Variants in CD58 observed in about 807,000 individuals in gnomAD.
CD58 encodes lymphocyte function-associated antigen 3.
CD58 carries 14 observed loss-of-function variants against 27.6 expected under a neutral mutation model. The ratio of observed to expected loss-of-function variants is 0.51; its 90% confidence interval spans 0.34 to 0.79. The LOEUF is 0.79. CD58 is among the 30% of genes least tolerant of loss of function. The probability of loss-of-function intolerance (pLI) is 0.02; values close to 1 mark genes in which losing one functional copy is unlikely to be tolerated. For missense variants in CD58, 268 were observed against 301.7 expected (o/e 0.89, Z 0.83); for synonymous variants, 117 against 103.8 (o/e 1.13, Z -0.77).
chr1:116,564,398 C>A (rs1658864263), intron 1 of CD58, among the ~76,000 whole-genome samples: 1 of 152,242 alleles, frequency 6.6e-6, no homozygotes, highest in Non-Finnish European at 1.5e-5. Context: ...GTTGCTTCCA[C>A]ATTTTCAGGT....
rs559202861 is a variant in CD58, at chr1:116,528,769, T to C, written c.629-6786A>G. On this transcript the variant is annotated intron_variant, in intron 3 of 5. Transcript: ENST00000369489. This position sits in a 1 kb window ranked among gnomAD's most constrained non-coding sequence, Gnocchi z 4.4. Reference sequence around the variant, plus strand: ...CAAAGGTACTCAGATTTTATTTTCCTCTTTCACAGCCAAATATATAACTGG... The same window carrying C: ...CAAAGGTACTCAGATTTTATTTTCCCCTTTCACAGCCAAATATATAACTGG... 6.6e-6 allele frequency among the ~76,000 whole-genome samples: 1 copy of C among 152,350 alleles called. No homozygotes were observed. Among genetic ancestry groups the C allele is most frequent in the East Asian group, 1.9e-4 (1 of 5,186 alleles).
At chr1:116,518,192 G>A (rs1053453842) in intron 5 of CD58, among the ~76,000 whole-genome samples, 2 of 152,078 alleles carry the variant, frequency 1.3e-5, no homozygotes, top group African/African-American at 4.8e-5. Context: ...AAATGGAGCT[G>A]GCATTTGAAC....
At chr1:116,554,350 A>G (rs899036428) in intron 1 of CD58, among the ~76,000 whole-genome samples, 6 of 152,084 alleles carry the variant, frequency 3.9e-5, no homozygotes, top group African/African-American at 1.2e-4. Flanking sequence ...ATTAAAAATA[A>G]AAAGTTATAG....
Position 116,532,813 on chromosome 1 carries a change from T to G in CD58, c.628+3152A>C. 1 of 542,362 alleles carries G rather than the reference T, an allele frequency of 1.8e-6. No homozygotes were observed. Among genetic ancestry groups the G allele is most frequent in the East Asian group, 3.5e-5 (1 of 28,428 alleles). 33.6% of individuals were successfully genotyped at this position (542,362 alleles called of 1,614,324 possible). On this transcript the variant is annotated intron_variant, in intron 3 of 5. Transcript: ENST00000369489. This position sits in a 1 kb window ranked among gnomAD's most constrained non-coding sequence, Gnocchi z 5.1. ...AAAGTGAAAGTGAAAATCATGCACT[T>G]GAAAACGATTAGATGGAGTAAGCGC...
Position 116,557,091 on chromosome 1 carries a change from G to T in CD58, c.71-12487C>A, listed in dbSNP as rs529412319. 6.6e-6 allele frequency among the ~76,000 whole-genome samples: 1 copy of T among 152,274 alleles called. No homozygotes were observed. Among genetic ancestry groups the T allele is most frequent in the South Asian group, 2.1e-4 (1 of 4,824 alleles). On this transcript the variant is annotated intron_variant, in intron 1 of 5. Coordinates refer to ENST00000369489, the MANE Select transcript of CD58 (RefSeq NM_001779.3). The surrounding 1 kb of genome is among the most constrained non-coding windows in gnomAD (Gnocchi z 5.2). ...TTTTGGCTGTATCCCCATATGTCTGGCATATGGACTTTCAATAAATATCTG... is the reference window on the plus strand; with the variant it reads ...TTTTGGCTGTATCCCCATATGTCTGTCATATGGACTTTCAATAAATATCTG...
In CD58 at chr1:116,519,424, C is replaced by T. The variant is rs767838030; in HGVS notation, c.707-157G>A. The T allele has an allele frequency of 1.1e-5, 8 of 711,540 alleles. No homozygotes were observed. The highest frequency in any genetic ancestry group is 3.8e-4 in the Middle Eastern group (1 of 2,656). 44.1% of individuals were successfully genotyped at this position (711,540 alleles called of 1,614,324 possible). ...CTATCCTATATGCTTTAAATCAAAT[C>T]GGCTACAGAGCTGGTCCAAAGAGTT... On this transcript the variant is annotated intron_variant, in intron 4 of 5. Coordinates refer to ENST00000369489, the MANE Select transcript of CD58 (RefSeq NM_001779.3). The surrounding 1 kb of genome is among the most constrained non-coding windows in gnomAD (Gnocchi z 4.7).
chr1:116,543,354 T>A (rs527723480), intron 2 of CD58, among the ~76,000 whole-genome samples: 1 of 151,650 alleles, frequency 6.6e-6, no homozygotes, highest in South Asian at 2.1e-4. Flanking sequence ...CTCGGTTACA[T>A]CCATGGGTAG....
At chr1:116,518,454 C>A (rs988721928) in intron 5 of CD58, among the ~76,000 whole-genome samples, 3 of 152,058 alleles carry the variant, frequency 2.0e-5, no homozygotes, top group Non-Finnish European at 4.4e-5. Flanking sequence ...GAAAACTCTG[C>A]GGTTCTCCCT....
Position 116,521,852 on chromosome 1 carries a change from C to T in CD58, c.706+54G>A. The T allele has an allele frequency of 9.8e-7, 1 of 1,025,506 alleles. No individual in the cohort carries two copies. Among genetic ancestry groups the T allele is most frequent in the Non-Finnish European group, 1.5e-6 (1 of 666,978 alleles). The allele number at this position is 1,025,506 out of a possible 1,614,324, so 63.5% of individuals were successfully genotyped here. On this transcript the variant is annotated intron_variant, in intron 4 of 5. Transcript: ENST00000369489. The surrounding 1 kb of genome is among the most constrained non-coding windows in gnomAD (Gnocchi z 5.6). ...TTTCATCCTTAAACTATTTTCTGAC[C>T]TTTGGAAAACAATGCAAGTTTTCAA...
chr1:116,529,082 T>C (rs986726374), intron 3 of CD58, among the ~76,000 whole-genome samples: 2 of 152,228 alleles, frequency 1.3e-5, no homozygotes, highest in African/African-American at 4.8e-5. Context: ...TAAGTATTAT[T>C]ATCCCCCACA....
At chr1:116,553,386 A>C (rs1430298657) in intron 1 of CD58, among the ~76,000 whole-genome samples, 1 of 152,188 alleles carries the variant, frequency 6.6e-6, no homozygotes, top group Non-Finnish European at 1.5e-5. Flanking sequence ...TCCATCAGAC[A>C]GCAATTTCAG....
At position 116,524,722 on chromosome 1, in the gene CD58, ACTG is replaced by A. The variant is rs1330766625; in HGVS notation, c.629-2742_629-2740del. On this transcript the variant is annotated intron_variant, in intron 3 of 5. Transcript: ENST00000369489. This position sits in a 1 kb window ranked among gnomAD's most constrained non-coding sequence, Gnocchi z 4.6. The stretch of plus-strand genomic sequence containing the variant: ...TCAACAGTAACCAAATACCAGCATT[ACTG>A]CTAACTACATAATTACTTAAAACAT... 1.3e-5 allele frequency among the ~76,000 whole-genome samples: 2 copies of A among 152,244 alleles called. No homozygotes were observed. The highest frequency in any genetic ancestry group is 6.5e-5 in the Admixed American group (1 of 15,286).
At chr1:116,520,991 T>C (rs575219072) in intron 4 of CD58, among the ~76,000 whole-genome samples, 2 of 152,362 alleles carry the variant, frequency 1.3e-5, no homozygotes, top group South Asian at 4.1e-4. Context: ...CTATCCAGTA[T>C]GGTAGCCACT....
intron 1 of CD58, among the ~76,000 whole-genome samples, chr1:116,548,405 A>G (rs1658267402): frequency 6.6e-6 from 1 of 152,078 alleles, no homozygotes; most frequent in South Asian, 2.1e-4. Context: ...TTCTGATGTT[A>G]TCTTCTAGAA....
chr1:116,528,112 T>C lies in CD58; in HGVS notation c.629-6129A>G, dbSNP rs556464271. 6.6e-6 allele frequency among the ~76,000 whole-genome samples: 1 copy of C among 152,314 alleles called. No homozygotes were observed. The highest frequency in any genetic ancestry group is 1.9e-4 in the East Asian group (1 of 5,182). On this transcript the variant is annotated intron_variant, in intron 3 of 5. Coordinates refer to ENST00000369489, the MANE Select transcript of CD58 (RefSeq NM_001779.3). This position sits in a 1 kb window ranked among gnomAD's most constrained non-coding sequence, Gnocchi z 4.4. The stretch of plus-strand genomic sequence containing the variant: ...AGTGAACATTCTTAATCACTATTCT[T>C]CCCAGTGGAAAGTCATAAAAGTCAC...
rs1658393753 is a variant in CD58 at position 116,551,590 on chromosome 1, G to A, written c.71-6986C>T. 2.0e-5 allele frequency among the ~76,000 whole-genome samples: 3 copies of A among 152,096 alleles called. No individual in the cohort carries two copies. In the South Asian group the frequency reaches 6.2e-4, roughly 32 times the overall value. ...TCGAACTTTCTCCATCTGCAATAAC[G>A]CTGTTTCACTTTCTTATTTATGTGT... On this transcript the variant is annotated intron_variant, in intron 1 of 5. Coordinates refer to ENST00000369489, the MANE Select transcript of CD58 (RefSeq NM_001779.3).
intron 2 of CD58, among the ~76,000 whole-genome samples, chr1:116,539,542 CAG>C (rs1414715792): frequency 6.6e-6 from 1 of 152,056 alleles, no homozygotes; most frequent in Non-Finnish European, 1.5e-5. Context: ...AGAAAAAAAA[CAG>C]AATATGAAAG....
In CD58 at chr1:116,536,203, A is replaced by C; in HGVS notation, c.390T>G (p.Thr130=). The part of the protein sequence containing the change: ...VLESLPSPTL[T]CALTNGSIEV... The stretch of plus-strand genomic sequence containing the variant: ...CAATGCTTCCATTAGTCAATGCACA[A>C]GTTAGTGTGGGAGATGGAAGAGACT... The change falls in exon 3 of 6, where the codon ACT becomes ACG. Residue 130 remains threonine (T), a synonymous_variant. Transcript: ENST00000369489. The surrounding 1 kb of genome is among the most constrained non-coding windows in gnomAD (Gnocchi z 5.4). The C allele has an allele frequency of 6.2e-7, 1 of 1,611,958 alleles. No homozygotes were observed. The highest frequency in any genetic ancestry group is 1.3e-5 in the African/African-American group (1 of 74,974).
rs868098341 is a variant in CD58, at chr1:116,535,265, G to A, written c.628+700C>T. Among the ~76,000 whole-genome samples the A allele has an allele frequency of 3.3e-5, 5 of 152,258 alleles. No individual in the cohort carries two copies. In the South Asian group the frequency reaches 8.3e-4, roughly 25 times the overall value. On this transcript the variant is annotated intron_variant, in intron 3 of 5. Transcript: ENST00000369489. ...AATGATATTATAACAATATTATAAA[G>A]CAGCATTGTGAATAGTTAAAACCAT...
Sources: gnomAD v4.1 joint callset for allele counts (sites outside exome capture counted in the v4.1 genomes callset) on GRCh38, gnomAD v4.1.1 for gene constraint, Gnocchi (gnomAD v3.1) non-coding constraint, MANE v1.5 for transcripts, NCBI Gene and HGNC (gene_info 2026-07-23, HGNC 2026-07-21) for gene names.